The following TMEM184B variants were observed in gnomAD, a reference collection of about 807,000 sequenced individuals.
TMEM184B encodes putative MAPK-activating protein FM08.
Under a neutral mutation model 41.8 loss-of-function variants are expected in TMEM184B, and 17 were observed. That is an observed-to-expected ratio of 0.41 (90% confidence interval 0.28 to 0.61). The LOEUF is 0.61. Among genes scored for constraint, TMEM184B ranks in the 20% least tolerant of loss-of-function variants. TMEM184B has a pLI of 0.34. For missense variants in TMEM184B, 393 were observed against 557.8 expected, an observed-to-expected ratio of 0.70 and a Z score of 2.98; for synonymous variants, 240 against 229.5, an observed-to-expected ratio of 1.05 and a Z score of -0.41.
At chr22:38,242,512 G>C (rs562472693) in intron 3 of TMEM184B, among the ~76,000 whole-genome samples, 4 of 152,164 alleles carry the variant, frequency 2.6e-5, no homozygotes, top group Non-Finnish European at 5.9e-5. Context: ...TGACCGTAGT[G>C]CTCAGCTCTG....
Position 38,247,899 on chromosome 22 carries a change from C to G in TMEM184B, c.63G>C (p.Ser21=). Residue 21 remains serine (S), a synonymous_variant, in exon 2 of 9, where the codon TCG becomes TCC. Coordinates refer to ENST00000361906, the MANE Select transcript of TMEM184B (RefSeq NM_012264.5). The part of the protein sequence containing the change: ...DPASPTTAAA[S]PSVSVIPEGS... The stretch of plus-strand genomic sequence containing the variant: ...CCTCGGGGATCACGGAGACGCTGGG[C>G]GAGGCTGCTGCGGTCGTGGGCGACG... The G allele has an allele frequency of 6.2e-7, 1 of 1,608,964 alleles. No individual in the cohort carries two copies. The highest frequency in any genetic ancestry group is 8.5e-7 in the Non-Finnish European group (1 of 1,178,766).
intron 1 of TMEM184B, among the ~76,000 whole-genome samples, chr22:38,269,682 G>A (rs995533719): frequency 3.3e-5 from 5 of 152,160 alleles, no homozygotes; most frequent in Non-Finnish European, 7.3e-5. Flanking sequence ...GGGCAACAGA[G>A]CGAGACTCCA....
At chr22:38,254,002 A>C (rs1185843911) in intron 1 of TMEM184B, among the ~76,000 whole-genome samples, 1 of 152,148 alleles carries the variant, frequency 6.6e-6, no homozygotes, top group African/African-American at 2.4e-5. Context: ...GGAGTTCGAG[A>C]TCAGCCTGGC....
intron 2 of TMEM184B, 95 bp downstream of exon 2, chr22:38,247,675 G>A: frequency 7.0e-7 from 1 of 1,430,478 alleles, no homozygotes; most frequent in South Asian, 1.5e-5. Context: ...ACCTACTACT[G>A]CAGTGCAGCC....
downstream of TMEM184B, among the ~76,000 whole-genome samples, chr22:38,217,502 C>T (rs562571685): frequency 6.6e-5 from 10 of 151,692 alleles, no homozygotes; most frequent in African/African-American, 2.4e-4. Context: ...ATTAGCCGGG[C>T]ATGGTGGCGG....
At chr22:38,228,610 A>G (rs568996130) in intron 5 of TMEM184B, among the ~76,000 whole-genome samples, 20 of 152,214 alleles carry the variant, frequency 1.3e-4, no homozygotes, top group South Asian at 2.1e-4. Flanking sequence ...GGGAATCTCT[A>G]CTTTAAGTAG....
intron 1 of TMEM184B, among the ~76,000 whole-genome samples, chr22:38,267,400 G>A (rs533272956): frequency 6.6e-6 from 1 of 151,766 alleles, no homozygotes; most frequent in African/African-American, 2.4e-5. Context: ...ACCGGCTCCT[G>A]GAATAACCAA....
chr22:38,248,090 T>C, intron 1 of TMEM184B, 71 bp from the exon 2 acceptor site: 1 of 1,454,142 alleles, frequency 6.9e-7, no homozygotes, highest in South Asian at 1.4e-5. Context: ...ATCTTCCAGG[T>C]CTCTCCACCC....
chr22:38,226,910 A>G lies in TMEM184B; in HGVS notation c.526-40T>C, dbSNP rs772165103. 6.5e-7 allele frequency: 1 copy of G among 1,549,390 alleles called. No homozygotes were observed. The highest frequency in any genetic ancestry group is 1.4e-5 in the African/African-American group (1 of 71,998). Reference sequence around the variant, plus strand: ...AGGAGGTTGAGTGTGGAGGAGGAGCACAGAAGGCATGAAGCAAGCCCTGCC... The same window carrying G: ...AGGAGGTTGAGTGTGGAGGAGGAGCGCAGAAGGCATGAAGCAAGCCCTGCC... On this transcript the variant is annotated intron_variant, in intron 5 of 8. Coordinates refer to ENST00000361906, the MANE Select transcript of TMEM184B (RefSeq NM_012264.5). The surrounding 1 kb of genome is among the most constrained non-coding windows in gnomAD (Gnocchi z 4.6).
chr22:38,219,396 G>A lies in TMEM184B; in HGVS notation c.*2073C>T, dbSNP rs2091198162. 5.1e-6 allele frequency: 5 copies of A among 985,798 alleles called. No individual in the cohort carries two copies. Among genetic ancestry groups the A allele is most frequent in the Non-Finnish European group, 6.0e-6 (5 of 829,920 alleles). 61.1% of individuals were successfully genotyped at this position (985,798 alleles called of 1,614,324 possible). ...ATGTCACAGAGACCAAAATAGAGTG[G>A]CTTTCTGGTGGAACTCATGGCAGTC... is the stretch of plus-strand genomic sequence containing the variant. On this transcript the variant is annotated 3_prime_UTR_variant, in exon 9 of 9. Coordinates refer to ENST00000361906, the MANE Select transcript of TMEM184B (RefSeq NM_012264.5).
downstream of TMEM184B, among the ~76,000 whole-genome samples, chr22:38,216,800 T>C (rs1056812755): frequency 1.3e-5 from 2 of 152,062 alleles, no homozygotes; most frequent in African/African-American, 4.8e-5. Flanking sequence ...TCCCAGCACT[T>C]TGGGAGGCTG....
Position 38,254,459 on chromosome 22 carries a change from G to A in TMEM184B, c.-58-6440C>T, listed in dbSNP as rs574108034. On this transcript the variant is annotated intron_variant, in intron 1 of 8. Transcript: ENST00000361906. ...TACTAAAAATACAAAAATTAGCCGG[G>A]TATGGTGGTACATGTCTGTAATCCC... is the stretch of plus-strand genomic sequence containing the variant. 1.4e-4 allele frequency among the ~76,000 whole-genome samples: 22 copies of A among 152,118 alleles called. No homozygotes were observed. The South Asian group carries it at 2.7e-3, about 19-fold the overall frequency.
At chr22:38,253,673 A>G (rs1408022252) in intron 1 of TMEM184B, among the ~76,000 whole-genome samples, 1 of 152,234 alleles carries the variant, frequency 6.6e-6, no homozygotes, top group Non-Finnish European at 1.5e-5. Context: ...GTAAAATGTA[A>G]AACTCTAAAC....
At position 38,220,983 on chromosome 22, in the gene TMEM184B, G is replaced by C; in HGVS notation, c.*486C>G. On this transcript the variant is annotated 3_prime_UTR_variant, in exon 9 of 9. Coordinates refer to ENST00000361906, the MANE Select transcript of TMEM184B (RefSeq NM_012264.5). ...TCCCCACTCCTGCCCGGGGTGAGGT[G>C]AATCTAGCACTGGACAAAGGTGGAC... 9.1e-6 allele frequency: 9 copies of C among 991,684 alleles called. No homozygotes were observed. The highest frequency in any genetic ancestry group is 1.1e-5 in the Non-Finnish European group (9 of 833,982). The allele number at this position is 991,684 out of a possible 1,614,324, so 61.4% of individuals were successfully genotyped here.
intron 1 of TMEM184B, among the ~76,000 whole-genome samples, chr22:38,249,494 C>T (rs1300682528): frequency 1.3e-5 from 2 of 152,160 alleles, no homozygotes; most frequent in African/African-American, 2.4e-5. Context: ...CGTGAGGTGC[C>T]TCACAGTGAA....
In TMEM184B at chr22:38,219,526, A is replaced by T. The variant is rs3171662; in HGVS notation, c.*1943T>A. 1.1e-6 allele frequency: 1 copy of T among 939,456 alleles called. No individual in the cohort carries two copies. The highest frequency in any genetic ancestry group is 1.3e-6 in the Non-Finnish European group (1 of 788,598). The allele number at this position is 939,456 out of a possible 1,614,324, so 58.2% of individuals were successfully genotyped here. Reference sequence around the variant, plus strand: ...AAGAGCTACTCTACCTGGAAAGAAAATTAAAAAAAAAAAAGACAAGGTAGG... The same window carrying T: ...AAGAGCTACTCTACCTGGAAAGAAATTTAAAAAAAAAAAAGACAAGGTAGG... On this transcript the variant is annotated 3_prime_UTR_variant, in exon 9 of 9. Transcript: ENST00000361906.
At chr22:38,250,969 C>T (rs528394776) in intron 1 of TMEM184B, among the ~76,000 whole-genome samples, 1 of 152,284 alleles carries the variant, frequency 6.6e-6, no homozygotes, top group African/African-American at 2.4e-5. Context: ...CAAATCAGAG[C>T]CAGGACTCAA....
At chr22:38,248,438 C>A (rs2092089164) in intron 1 of TMEM184B, among the ~76,000 whole-genome samples, 2 of 152,230 alleles carry the variant, frequency 1.3e-5, no homozygotes, top group Non-Finnish European at 2.9e-5. Context: ...GTTCCTTGAA[C>A]ATATTAAGCC....
intron 1 of TMEM184B, among the ~76,000 whole-genome samples, chr22:38,264,719 C>T (rs1034388236): frequency 2.0e-5 from 3 of 152,194 alleles, no homozygotes; most frequent in South Asian, 2.1e-4. Flanking sequence ...TATGTAGAAG[C>T]AGGGCAGGCC....
Sources: gnomAD v4.1 joint callset for allele counts (sites outside exome capture counted in the v4.1 genomes callset) on GRCh38, gnomAD v4.1.1 for gene constraint, Gnocchi (gnomAD v3.1) non-coding constraint, MANE v1.5 for transcripts, NCBI Gene and HGNC (gene_info 2026-07-23, HGNC 2026-07-21) for gene names.